SWT1: variants seen among roughly 807,000 people sequenced by gnomAD.
SWT1 encodes the protein SWT1 RNA endoribonuclease homolog.
In SWT1, 33 loss-of-function variants were observed where a neutral mutation model predicts 107.3. The ratio of observed to expected loss-of-function variants is 0.31; its 90% CI spans 0.23 to 0.41. The LOEUF is 0.41. SWT1 is among the 10% of genes least tolerant of loss of function. SWT1 has a pLI of 1.00. For missense variants in SWT1, 898 were observed against 1,028.9 expected, an observed-to-expected ratio of 0.87 and a Z score of 1.74; for synonymous variants, 345 against 348.3, an observed-to-expected ratio of 0.99 and a Z score of 0.11.
chr1:185,211,221 G>C (rs184736266), intron 13 of SWT1, among the ~76,000 whole-genome samples: 6 of 152,244 alleles, frequency 3.9e-5, no homozygotes, highest in African/African-American at 1.2e-4. Flanking sequence ...CCAAAAAAGA[G>C]CCCACATAGC....
chr1:185,281,166 T>G, intron 18 of SWT1: 1 of 232,802 alleles, frequency 4.3e-6, no homozygotes, highest in Non-Finnish European at 8.6e-6. Flanking sequence ...CCATAAACTT[T>G]ACAAGAATGC....
At chr1:185,166,982 A>G (rs1654631775) in intron 3 of SWT1, among the ~76,000 whole-genome samples, 1 of 152,056 alleles carries the variant, frequency 6.6e-6, no homozygotes, top group Non-Finnish European at 1.5e-5. Context: ...ACCTTGGCTC[A>G]CTGCAACCTC....
intron 5 of SWT1, among the ~76,000 whole-genome samples, 162 bp from the exon 6 acceptor site, chr1:185,180,229 C>T (rs1056349379): frequency 6.6e-6 from 1 of 152,074 alleles, no homozygotes; most frequent in African/African-American, 2.4e-5. Context: ...GTACTACTGA[C>T]ATTCTGGAGG....
At chr1:185,229,628 C>G (rs534365882) in intron 15 of SWT1, among the ~76,000 whole-genome samples, 1 of 151,838 alleles carries the variant, frequency 6.6e-6, no homozygotes, top group Non-Finnish European at 1.5e-5. Context: ...CCTAGCCACT[C>G]TCTCACAACC....
At chr1:185,244,490 TA>T (rs762816143) in intron 16 of SWT1, among the ~76,000 whole-genome samples, 3 of 151,452 alleles carry the variant, frequency 2.0e-5, no homozygotes, top group Non-Finnish European at 2.9e-5. Flanking sequence ...GTATAAAAGA[TA>T]AAAAAAAGGT....
At chr1:185,255,757 A>T (rs1422403466) in intron 16 of SWT1, among the ~76,000 whole-genome samples, 1 of 149,606 alleles carries the variant, frequency 6.7e-6, no homozygotes, top group Non-Finnish European at 1.5e-5. Flanking sequence ...GTGTCTTTTA[A>T]TTGGAGCATT....
intron 8 of SWT1, 37 bp downstream of exon 8, chr1:185,184,381 T>A: frequency 8.2e-7 from 1 of 1,226,624 alleles, no homozygotes; most frequent in Non-Finnish European, 1.2e-6. Context: ...CTGATTTTCT[T>A]CCTTGAGTTG....
intron 10 of SWT1, 102 bp downstream of exon 10, chr1:185,190,744 A>G (rs974497590): frequency 1.5e-6 from 1 of 670,660 alleles, no homozygotes. Flanking sequence ...AAACATACAT[A>G]ATTTTCCAAA....
At chr1:185,165,874 T>C (rs1461635919) in intron 2 of SWT1, among the ~76,000 whole-genome samples, 1 of 152,232 alleles carries the variant, frequency 6.6e-6, no homozygotes, top group African/African-American at 2.4e-5. Flanking sequence ...AGTATTCTAA[T>C]GGTTTGTTTC....
chr1:185,290,459 A>G (rs952769825), intron 18 of SWT1, among the ~76,000 whole-genome samples: 2 of 152,126 alleles, frequency 1.3e-5, no homozygotes, highest in African/African-American at 4.8e-5. Flanking sequence ...TAGATTTTAC[A>G]TGTCCTCGCC....
intron 18 of SWT1, chr1:185,281,301 A>T: frequency 4.6e-6 from 1 of 216,510 alleles, no homozygotes; most frequent in Non-Finnish European, 9.4e-6. Context: ...TTACAGAAAC[A>T]TATACAGTGG....
rs1020526681 is a variant in SWT1 at position 185,291,563 on chromosome 1, G to T, written c.*760G>T. 1.8e-4 allele frequency: 28 copies of T among 152,702 alleles called. No individual in the cohort carries two copies. The highest frequency in any genetic ancestry group is 6.5e-4 in the African/African-American group (27 of 41,562). The allele number at this position is 152,702 out of a possible 1,614,324, so 9.5% of individuals were successfully genotyped here. A position where few individuals can be genotyped will look rare whatever the true frequency, so the allele number is the denominator to read the frequency against. ...TGTTTAGTTGACTTTTTAGTTATAG[G>T]ATAAGTTGGAAGTCCTTGTTTACTG... is the stretch of plus-strand genomic sequence containing the variant. On this transcript the variant is annotated 3_prime_UTR_variant, in exon 19 of 19. Transcript: ENST00000367500.
intron 15 of SWT1, among the ~76,000 whole-genome samples, chr1:185,228,414 C>T (rs528206702): frequency 3.6e-4 from 54 of 151,284 alleles, no homozygotes; most frequent in African/African-American, 9.2e-4. Context: ...GCCAGCTACT[C>T]GGGAGGCTGA....
chr1:185,257,259 G>T (rs1050180954), intron 16 of SWT1, among the ~76,000 whole-genome samples: 1 of 152,208 alleles, frequency 6.6e-6, no homozygotes, highest in Admixed American at 6.5e-5. Context: ...GCCCCCAGAG[G>T]TGGAGCCTAC....
chr1:185,280,046 T>C (rs1031589543), intron 18 of SWT1, among the ~76,000 whole-genome samples: 1 of 152,160 alleles, frequency 6.6e-6, no homozygotes, highest in African/African-American at 2.4e-5. Context: ...CACCCAAATC[T>C]CATCTTGAAT....
chr1:185,169,909 T>A (rs1464107159), intron 4 of SWT1, among the ~76,000 whole-genome samples: 1 of 152,240 alleles, frequency 6.6e-6, no homozygotes, highest in East Asian at 1.9e-4. Flanking sequence ...TAAGGGACAT[T>A]GCCAAAGAGC....
chr1:185,186,513 A>G (rs1656476526), intron 9 of SWT1, among the ~76,000 whole-genome samples: 1 of 152,214 alleles, frequency 6.6e-6, no homozygotes, highest in South Asian at 2.1e-4. Flanking sequence ...ATCAACCTGT[A>G]TAACATTTGG....
At chr1:185,168,604 A>G (rs1354812172) in intron 4 of SWT1, among the ~76,000 whole-genome samples, 4 of 152,222 alleles carry the variant, frequency 2.6e-5, no homozygotes, top group Non-Finnish European at 5.9e-5. Context: ...TATGAAAACT[A>G]TTGTGTAAAT....
chr1:185,246,799 T>C (rs1038848783), intron 16 of SWT1, among the ~76,000 whole-genome samples: 1 of 151,390 alleles, frequency 6.6e-6, no homozygotes, highest in Admixed American at 6.6e-5. Context: ...ATGGCTAATA[T>C]TTTAAATTTT....
Sources: gnomAD v4.1 joint callset for allele counts (sites outside exome capture counted in the v4.1 genomes callset) on GRCh38, gnomAD v4.1.1 for gene constraint, MANE v1.5 for transcripts, NCBI Gene and HGNC (gene_info 2026-07-23, HGNC 2026-07-21) for gene names.